MFSD6: variants seen among roughly 807,000 people sequenced by gnomAD.
The protein encoded by MFSD6 is major facilitator superfamily domain containing 6, also known as major facilitator superfamily domain-containing protein 6.
MFSD6 carries 26 observed loss-of-function variants against 56.3 expected under a neutral mutation model. The ratio of observed to expected loss-of-function variants is 0.46; its 90% CI spans 0.34 to 0.64. MFSD6 has a LOEUF of 0.64. Ranked by LOEUF, MFSD6 falls within the 30% of genes least tolerant of loss-of-function variation. The pLI is 0.01. For missense variants in MFSD6, 750 were observed against 986.2 expected, an observed-to-expected ratio of 0.76 and a Z score of 3.21; for synonymous variants, 331 against 366.9, an observed-to-expected ratio of 0.90 and a Z score of 1.12.
rs1687546719 is a variant in MFSD6 at position 190,465,345 on chromosome 2, G to A, written c.1533-4413G>A. On this transcript the variant is annotated intron_variant, in intron 3 of 7. Coordinates refer to ENST00000392328, the MANE Select transcript of MFSD6 (RefSeq NM_017694.4). This position sits in a 1 kb window ranked among gnomAD's most constrained non-coding sequence, Gnocchi z 4.6. ...CTATTTTTATTACTACTGACTTCCT[G>A]TTCTGAAATAGGACAGTCATGCTGT... is the stretch of plus-strand genomic sequence containing the variant. Among the ~76,000 whole-genome samples, 1 of 151,948 alleles carries A rather than the reference G, an allele frequency of 6.6e-6. No individual in the cohort carries two copies. The highest frequency in any genetic ancestry group is 2.4e-5 in the African/African-American group (1 of 41,366).
intron 3 of MFSD6, among the ~76,000 whole-genome samples, chr2:190,468,305 A>G (rs867680561): frequency 2.0e-5 from 3 of 152,098 alleles, no homozygotes; most frequent in African/African-American, 4.8e-5. Context: ...TCTGTTGCCT[A>G]TTTCATCCAC....
In MFSD6 at chr2:190,443,564, A is replaced by G. The variant is rs1238429242; in HGVS notation, c.1532+6003A>G. Among the ~76,000 whole-genome samples the G allele has an allele frequency of 1.3e-5, 2 of 152,228 alleles. No individual in the cohort carries two copies. Among genetic ancestry groups the G allele is most frequent in the Non-Finnish European group, 2.9e-5 (2 of 68,038 alleles). ...GAAGTGTACAGATGATTAAACCTGC[A>G]AAGTCAAGATGTTTATGATTTTCAA... On this transcript the variant is annotated intron_variant, in intron 3 of 7. Transcript: ENST00000392328. The surrounding 1 kb of genome is among the most constrained non-coding windows in gnomAD (Gnocchi z 4.2).
At chr2:190,484,662 A>G (rs1448886923) in intron 4 of MFSD6, among the ~76,000 whole-genome samples, 1 of 152,214 alleles carries the variant, frequency 6.6e-6, no homozygotes, top group African/African-American at 2.4e-5. Flanking sequence ...GTTCCAGTTT[A>G]TGAACGAGAA....
In MFSD6 at chr2:190,463,759, G is replaced by A. The variant is rs534662663; in HGVS notation, c.1533-5999G>A. The A allele has an allele frequency of 4.3e-6, 2 of 469,844 alleles. No individual in the cohort carries two copies. The highest frequency in any genetic ancestry group is 5.6e-6 in the Non-Finnish European group (2 of 358,610). 29.1% of individuals were successfully genotyped at this position (469,844 alleles called of 1,614,324 possible). A position where few individuals can be genotyped will look rare whatever the true frequency, so the allele number is the denominator to read the frequency against. On this transcript the variant is annotated intron_variant, in intron 3 of 7. Coordinates refer to ENST00000392328, the MANE Select transcript of MFSD6 (RefSeq NM_017694.4). This position sits in a 1 kb window ranked among gnomAD's most constrained non-coding sequence, Gnocchi z 4.4. ...CACCTGGGCTCTGGTGGTCAAGGCTGCATTGAGCTGTGATGACGCTACTGC... is the reference window on the plus strand; with the variant it reads ...CACCTGGGCTCTGGTGGTCAAGGCTACATTGAGCTGTGATGACGCTACTGC...
At chr2:190,480,072 A>C (rs1688573240) in intron 4 of MFSD6, among the ~76,000 whole-genome samples, 1 of 152,192 alleles carries the variant, frequency 6.6e-6, no homozygotes, top group East Asian at 1.9e-4. Context: ...CTCAGGTGGA[A>C]GGATTGCTTG....
rs891294180 is a variant in MFSD6 at position 190,499,387 on chromosome 2, T to C, written c.2173-628T>C. Among the ~76,000 whole-genome samples, 3 of 152,210 alleles carry C rather than the reference T, an allele frequency of 2.0e-5. No individual in the cohort carries two copies. Among genetic ancestry groups the C allele is most frequent in the East Asian group, 3.8e-4 (2 of 5,202 alleles). ...TTTTATTTGTACAACCAATATGGCA[T>C]TTATGGAAATTGCTGCTGGTGATGT... is the stretch of plus-strand genomic sequence containing the variant. On this transcript the variant is annotated intron_variant, in intron 7 of 7. Transcript: ENST00000392328. This position sits in a 1 kb window ranked among gnomAD's most constrained non-coding sequence, Gnocchi z 6.0.
intron 1 of MFSD6, chr2:190,411,461 A>C: frequency 1.0e-6 from 1 of 985,314 alleles, no homozygotes; most frequent in Non-Finnish European, 1.2e-6. Flanking sequence ...CCCAGCCGAC[A>C]GTGGCTATCT....
At chr2:190,483,791 C>T (rs762488060) in intron 4 of MFSD6, among the ~76,000 whole-genome samples, 18 of 145,678 alleles carry the variant, frequency 1.2e-4, no homozygotes, top group Non-Finnish European at 1.9e-4. Context: ...GCCGAGATCA[C>T]GCCATTGCAC....
chr2:190,484,492 A>C (rs2125219269), intron 4 of MFSD6, among the ~76,000 whole-genome samples: 1 of 152,320 alleles, frequency 6.6e-6, no homozygotes. Flanking sequence ...ACAATTCCTA[A>C]GACTTCCTAA....
At position 190,424,893 on chromosome 2, in the gene MFSD6, A is replaced by C. The variant is rs757147953; in HGVS notation, c.-54+9480A>C. 2.0e-5 allele frequency among the ~76,000 whole-genome samples: 3 copies of C among 152,074 alleles called. No individual in the cohort carries two copies. The highest frequency in any genetic ancestry group is 4.4e-5 in the Non-Finnish European group (3 of 68,016). The stretch of plus-strand genomic sequence containing the variant: ...ATTCGTTTCTTTCCTTTTCTGTATA[A>C]ATTTTAAAATCTTGTCTATATCTAC... On this transcript the variant is annotated intron_variant, in intron 2 of 7. Coordinates refer to ENST00000392328, the MANE Select transcript of MFSD6 (RefSeq NM_017694.4). The surrounding 1 kb of genome is among the most constrained non-coding windows in gnomAD (Gnocchi z 5.9).
At chr2:190,449,681 G>A (rs1418219481) in intron 3 of MFSD6, among the ~76,000 whole-genome samples, 2 of 152,114 alleles carry the variant, frequency 1.3e-5, no homozygotes, top group Non-Finnish European at 2.9e-5. Context: ...ATACTATGCA[G>A]CCATAAAAAA....
At position 190,416,463 on chromosome 2, in the gene MFSD6, A is replaced by G. The variant is rs1690779195; in HGVS notation, c.-54+1050A>G. Among the ~76,000 whole-genome samples the G allele has an allele frequency of 6.6e-6, 1 of 152,208 alleles. No homozygotes were observed. The highest frequency in any genetic ancestry group is 2.1e-4 in the South Asian group (1 of 4,820). On this transcript the variant is annotated intron_variant, in intron 2 of 7. Transcript: ENST00000392328. The surrounding 1 kb of genome is among the most constrained non-coding windows in gnomAD (Gnocchi z 4.1). Reference sequence around the variant, plus strand: ...AGTTATTTCTTTCCTGGAGATAATGAATTATCATTCCAGTCCATATTACAA... The same window carrying G: ...AGTTATTTCTTTCCTGGAGATAATGGATTATCATTCCAGTCCATATTACAA...
rs1451896803 is a variant in MFSD6, at chr2:190,488,721, G to T, written c.1695G>T (p.Glu565Asp). The T allele has an allele frequency of 2.5e-6, 4 of 1,609,640 alleles. No individual in the cohort carries two copies. The South Asian group carries it at 3.3e-5, about 13-fold the overall frequency. The change falls in exon 5 of 8, where the codon GAG becomes GAT. Residue 565 changes from glutamate (E) to aspartate (D), a missense_variant. Transcript: ENST00000392328. The surrounding 1 kb of genome is among the most constrained non-coding windows in gnomAD (Gnocchi z 6.4). ...ISYLSAAVPP[E>D]LRTSAQGILQ... is the part of the protein sequence containing the mutation. ...ACCTCAGTGCAGCCGTTCCCCCTGA[G>T]CTGAGGACATCTGCTCAGGGCATCC... is the stretch of plus-strand genomic sequence containing the variant.
At chr2:190,448,422 A>G (rs999771739) in intron 3 of MFSD6, among the ~76,000 whole-genome samples, 2 of 152,224 alleles carry the variant, frequency 1.3e-5, no homozygotes, top group African/African-American at 4.8e-5. Flanking sequence ...ATAGCCATCA[A>G]TTGAGGAATG....
chr2:190,445,177 G>C (rs1480390108), intron 3 of MFSD6, among the ~76,000 whole-genome samples: 2 of 152,012 alleles, frequency 1.3e-5, no homozygotes, highest in African/African-American at 2.4e-5. Context: ...GTAAATCTGG[G>C]GATACTTATC....
At chr2:190,411,961 A>G (rs962309981) in intron 1 of MFSD6, 1 of 985,282 alleles carries the variant, frequency 1.0e-6, no homozygotes, top group East Asian at 1.1e-4. Context: ...GGTAGAAGGT[A>G]GGAGTTGGAG....
chr2:190,471,131 G>C lies in MFSD6; in HGVS notation c.1630+1276G>C, dbSNP rs1359836234. 6.6e-6 allele frequency among the ~76,000 whole-genome samples: 1 copy of C among 152,168 alleles called. No homozygotes were observed. The highest frequency in any genetic ancestry group is 6.5e-5 in the Admixed American group (1 of 15,270). ...AGGGTGGAGCCAAGATGGCCGAATAGGAACAGCTCCAGTCTACAGGTCTCA... is the reference window on the plus strand; with the variant it reads ...AGGGTGGAGCCAAGATGGCCGAATACGAACAGCTCCAGTCTACAGGTCTCA... On this transcript the variant is annotated intron_variant, in intron 4 of 7. Coordinates refer to ENST00000392328, the MANE Select transcript of MFSD6 (RefSeq NM_017694.4). This position sits in a 1 kb window ranked among gnomAD's most constrained non-coding sequence, Gnocchi z 4.7.
Position 190,467,981 on chromosome 2 carries a change from T to C in MFSD6, c.1533-1777T>C, listed in dbSNP as rs902847583. Among the ~76,000 whole-genome samples, 7 of 152,230 alleles carry C rather than the reference T, an allele frequency of 4.6e-5. No homozygotes were observed. Among genetic ancestry groups the C allele is most frequent in the African/African-American group, 1.7e-4 (7 of 41,462 alleles). Reference sequence around the variant, plus strand: ...TGGTCCTTTATAGAAAAGTGTTTGCTGACCCCTGAGTTAGGGTAAAGAGAG... The same window carrying C: ...TGGTCCTTTATAGAAAAGTGTTTGCCGACCCCTGAGTTAGGGTAAAGAGAG... On this transcript the variant is annotated intron_variant, in intron 3 of 7. Transcript: ENST00000392328. This position sits in a 1 kb window ranked among gnomAD's most constrained non-coding sequence, Gnocchi z 5.5.
At position 190,425,904 on chromosome 2, in the gene MFSD6, A is replaced by G. The variant is rs909369064; in HGVS notation, c.-53-10073A>G. ...AAAAATTGTGCCACTTCCAGTGTCCATGGTTTCTCAGAAATCTGCTATCAT... is the reference window on the plus strand; with the variant it reads ...AAAAATTGTGCCACTTCCAGTGTCCGTGGTTTCTCAGAAATCTGCTATCAT... On this transcript the variant is annotated intron_variant, in intron 2 of 7. Coordinates refer to ENST00000392328, the MANE Select transcript of MFSD6 (RefSeq NM_017694.4). The surrounding 1 kb of genome is among the most constrained non-coding windows in gnomAD (Gnocchi z 4.3). Among the ~76,000 whole-genome samples, 5 of 152,124 alleles carry G rather than the reference A, an allele frequency of 3.3e-5. No homozygotes were observed. Among genetic ancestry groups the G allele is most frequent in the Non-Finnish European group, 5.9e-5 (4 of 68,018 alleles).
Sources: gnomAD v4.1 joint callset for allele counts (sites outside exome capture counted in the v4.1 genomes callset) on GRCh38, gnomAD v4.1.1 for gene constraint, Gnocchi (gnomAD v3.1) non-coding constraint, MANE v1.5 for transcripts, NCBI Gene and HGNC (gene_info 2026-07-23, HGNC 2026-07-21) for gene names.